Variants in PLCXD3 observed in about 807,000 individuals in gnomAD.
PLCXD3 encodes PI-PLC X domain-containing protein 3.
In PLCXD3, 19 loss-of-function variants were observed where a neutral mutation model predicts 25.5. The ratio of observed to expected loss-of-function variants is 0.75; its 90% confidence interval spans 0.52 to 1.09. The LOEUF is 1.09. PLCXD3 is among the 50% of genes least tolerant of loss of function. The probability of loss-of-function intolerance (pLI) is 0.00; values close to 1 mark genes in which losing one functional copy is unlikely to be tolerated. For missense variants in PLCXD3, 411 were observed against 388.1 expected, an observed-to-expected ratio of 1.06 and a Z score of -0.50; for synonymous variants, 174 against 137.6, an observed-to-expected ratio of 1.26 and a Z score of -1.85.
chr5:41,313,859 C>T, intron 2 of PLCXD3, 89 bp from the exon 3 acceptor site: 1 of 1,397,666 alleles, frequency 7.2e-7, no homozygotes, highest in Non-Finnish European at 9.6e-7. Context: ...TAGTTTCTAG[C>T]TTATTAAAAT....
At chr5:41,407,265 T>G (rs981992644) in intron 1 of PLCXD3, among the ~76,000 whole-genome samples, 1 of 152,178 alleles carries the variant, frequency 6.6e-6, no homozygotes, top group Non-Finnish European at 1.5e-5. Context: ...AAATCTACTC[T>G]TGGTATGTAA....
intron 1 of PLCXD3, among the ~76,000 whole-genome samples, chr5:41,390,494 C>T (rs2150495689): frequency 6.6e-6 from 1 of 152,246 alleles, no homozygotes; most frequent in African/African-American, 2.4e-5. Context: ...GTTCCAGTTA[C>T]TCCACATGGT....
rs1745485655 is a variant in PLCXD3 at position 41,382,228 on chromosome 5, T to G, written c.410A>C (p.Lys137Thr). ...EINAFLTDHH[K>T]EVVFLDFNHF... ...GTTGAAGTCCAAGAACACTACCTCC[T>G]TATGGTGATCTGTGAGGAATGCATT... Residue 137 changes from lysine to threonine, a missense_variant, in exon 2 of 3, where the codon AAG becomes ACG. Coordinates refer to ENST00000377801, the MANE Select transcript of PLCXD3 (RefSeq NM_001005473.3). 1.2e-6 allele frequency: 2 copies of G among 1,613,826 alleles called. No homozygotes were observed. The highest frequency in any genetic ancestry group is 1.7e-4 in the Middle Eastern group (1 of 6,054).
intron 1 of PLCXD3, among the ~76,000 whole-genome samples, chr5:41,509,467 G>C (rs1738984056): frequency 6.6e-6 from 1 of 152,168 alleles, no homozygotes; most frequent in South Asian, 2.1e-4. Context: ...GGGGTTGTTA[G>C]GAGCTGCCAC....
intron 2 of PLCXD3, among the ~76,000 whole-genome samples, chr5:41,352,550 C>A (rs1744494344): frequency 6.6e-6 from 1 of 152,192 alleles, no homozygotes; most frequent in African/African-American, 2.4e-5. Flanking sequence ...AGTCTTACAT[C>A]TCTGCCTATT....
At chr5:41,403,560 C>T (rs10057294) in intron 1 of PLCXD3, among the ~76,000 whole-genome samples, 2,594 of 82,184 alleles carry the variant, frequency 0.032, 179 homozygotes, top group African/African-American at 0.12. Context: ...CCCACTCCCC[C>T]GACCCCACCA....
At chr5:41,443,376 A>T (rs964163615) in intron 1 of PLCXD3, among the ~76,000 whole-genome samples, 4 of 152,108 alleles carry the variant, frequency 2.6e-5, no homozygotes, top group Non-Finnish European at 5.9e-5. Context: ...CATACCATCT[A>T]GGTTAGTACA....
chr5:41,492,156 C>T (rs1389420545), intron 1 of PLCXD3, among the ~76,000 whole-genome samples: 3 of 152,076 alleles, frequency 2.0e-5, no homozygotes, highest in Non-Finnish European at 2.9e-5. Flanking sequence ...TCAGCATTTG[C>T]TTGTCTGTAA....
chr5:41,490,322 C>T (rs1748633038), intron 1 of PLCXD3, among the ~76,000 whole-genome samples: 1 of 152,186 alleles, frequency 6.6e-6, no homozygotes. Context: ...TGACATGCTG[C>T]TGGATTCAGT....
At chr5:41,366,832 T>G (rs1744951414) in intron 2 of PLCXD3, among the ~76,000 whole-genome samples, 1 of 152,110 alleles carries the variant, frequency 6.6e-6, no homozygotes, top group Non-Finnish European at 1.5e-5. Flanking sequence ...GTCATTCCTC[T>G]CCCTGTGTCC....
chr5:41,431,055 T>C (rs1449134871), intron 1 of PLCXD3, among the ~76,000 whole-genome samples: 3 of 152,158 alleles, frequency 2.0e-5, no homozygotes, highest in Admixed American at 6.6e-5. Flanking sequence ...AAACTTATTA[T>C]ACAATGAGCA....
At chr5:41,441,882 T>C (rs1747392969) in intron 1 of PLCXD3, among the ~76,000 whole-genome samples, 1 of 152,234 alleles carries the variant, frequency 6.6e-6, no homozygotes, top group Admixed American at 6.5e-5. Flanking sequence ...TTTGATCATC[T>C]CTAAACATCA....
chr5:41,433,499 C>T (rs1433684454), intron 1 of PLCXD3, among the ~76,000 whole-genome samples: 2 of 152,118 alleles, frequency 1.3e-5, no homozygotes, highest in African/African-American at 4.8e-5. Context: ...CAATCATTGC[C>T]TAAACACCCC....
Position 41,464,116 on chromosome 5 carries a change from T to C in PLCXD3, c.103+46308A>G, listed in dbSNP as rs558142947. 7.0e-4 allele frequency among the ~76,000 whole-genome samples: 106 copies of C among 152,144 alleles called. 1 individual carries two copies. The highest frequency in any genetic ancestry group is 2.5e-3 in the African/African-American group (104 of 41,538). ...CCCACTACTGATTATAAAATTATCCTTATTCAATCATTTAGTGTGATGGAA... is the reference window on the plus strand; with the variant it reads ...CCCACTACTGATTATAAAATTATCCCTATTCAATCATTTAGTGTGATGGAA... On this transcript the variant is annotated intron_variant, in intron 1 of 2. Transcript: ENST00000377801.
chr5:41,328,068 A>T (rs956711347), intron 2 of PLCXD3, among the ~76,000 whole-genome samples: 1 of 152,118 alleles, frequency 6.6e-6, no homozygotes, highest in Non-Finnish European at 1.5e-5. Context: ...TAAAAAAAAA[A>T]TTTCATAGCA....
chr5:41,422,776 A>AT (rs1746859608), intron 1 of PLCXD3, among the ~76,000 whole-genome samples: 1 of 151,964 alleles, frequency 6.6e-6, no homozygotes, highest in Non-Finnish European at 1.5e-5. Flanking sequence ...TAAAAGTGGC[A>AT]TTTTTTTCCA....
chr5:41,386,350 A>T (rs1745634312), intron 1 of PLCXD3, among the ~76,000 whole-genome samples: 1 of 152,100 alleles, frequency 6.6e-6, no homozygotes. Context: ...GGCACATAGC[A>T]TCAATTTTAT....
intron 1 of PLCXD3, 131 bp from the exon 2 acceptor site, chr5:41,382,665 TA>T (rs1745507638): frequency 2.9e-6 from 2 of 686,232 alleles, no homozygotes; most frequent in Admixed American, 3.2e-5. Context: ...TAATACTAGT[TA>T]TTTTTTATGC....
At chr5:41,478,240 T>G (rs534385467) in intron 1 of PLCXD3, among the ~76,000 whole-genome samples, 2 of 152,286 alleles carry the variant, frequency 1.3e-5, no homozygotes, top group African/African-American at 4.8e-5. Flanking sequence ...ATTCCTCAAT[T>G]CTCAGAGGAT....
Sources: allele counts gnomAD v4.1 joint callset (sites outside exome capture counted in the v4.1 genomes callset), GRCh38; gene constraint gnomAD v4.1.1; transcripts MANE v1.5; gene names NCBI Gene and HGNC (gene_info 2026-07-23, HGNC 2026-07-21).